PAK1: variants seen among roughly 807,000 people sequenced by gnomAD.
PAK1 encodes p21 (RAC1) activated kinase 1.
PAK1 carries 29 observed loss-of-function variants against 67.4 expected under a neutral mutation model. The ratio of observed to expected loss-of-function variants is 0.43; its 90% CI spans 0.32 to 0.59. The LOEUF (loss-of-function observed/expected upper bound fraction) is 0.59, where lower values mean the gene tolerates loss of function less well. Among genes scored for constraint, PAK1 ranks in the 20% least tolerant of loss-of-function variants. The pLI, the probability that PAK1 is intolerant of heterozygous loss-of-function variation, is 0.07. For synonymous variants in PAK1, 223 were observed against 237.4 expected, an observed-to-expected ratio of 0.94 and a Z score of 0.56; for missense variants, 337 against 670.7, an observed-to-expected ratio of 0.50 and a Z score of 5.50.
the PAK1 span, among the ~76,000 whole-genome samples, chr11:77,484,437 T>C: frequency 0.47 from 71,467 of 152,042 alleles, 18,561 homozygotes; most frequent in African/African-American, 0.71. Flanking sequence ...ACCTGTATTC[T>C]AAGCTCGTTT....
chr11:77,468,632 G>C (rs1290348600), intron 1 of PAK1, among the ~76,000 whole-genome samples: 2 of 152,142 alleles, frequency 1.3e-5, no homozygotes, highest in Non-Finnish European at 1.5e-5. Flanking sequence ...ATCTGACATA[G>C]AGTTTTATCA....
intron 10 of PAK1, among the ~76,000 whole-genome samples, chr11:77,343,611 C>T (rs546751408): frequency 1.6e-4 from 24 of 152,256 alleles, no homozygotes; most frequent in African/African-American, 4.3e-4. Context: ...AGAAGCTACA[C>T]GGTGGTAGAG....
intron 1 of PAK1, among the ~76,000 whole-genome samples, chr11:77,439,355 A>G (rs1431273835): frequency 6.6e-6 from 1 of 152,154 alleles, no homozygotes; most frequent in East Asian, 1.9e-4. Context: ...AGCCAAAATT[A>G]TATATATACA....
intron 5 of PAK1, among the ~76,000 whole-genome samples, chr11:77,368,988 A>T: frequency 6.6e-6 from 1 of 152,186 alleles, no homozygotes; most frequent in East Asian, 1.9e-4. Flanking sequence ...CACATGTCCA[A>T]ACATACCTTT....
chr11:77,518,836 G>A, the PAK1 span, among the ~76,000 whole-genome samples: 1 of 152,130 alleles, frequency 6.6e-6, no homozygotes, highest in Non-Finnish European at 1.5e-5. Flanking sequence ...TATTTTGCCT[G>A]TCTCCACACT....
chr11:77,415,409 C>T (rs2123632), intron 1 of PAK1, among the ~76,000 whole-genome samples: 6,292 of 152,144 alleles, frequency 0.041, 431 homozygotes, highest in African/African-American at 0.14. Flanking sequence ...CATTGTTATG[C>T]GAACATCACA....
intron 14 of PAK1, among the ~76,000 whole-genome samples, chr11:77,330,414 A>C (rs893746412): frequency 2.0e-5 from 3 of 152,246 alleles, no homozygotes; most frequent in Non-Finnish European, 2.9e-5. Context: ...CCAAAACAGC[A>C]TGGTACTGGT....
the PAK1 span, among the ~76,000 whole-genome samples, chr11:77,508,032 G>A: frequency 3.3e-5 from 5 of 151,924 alleles, no homozygotes; most frequent in Admixed American, 3.3e-4. Context: ...CATTCTTCTG[G>A]CTTCTATAAC....
chr11:77,387,432 T>C (rs898672808), intron 2 of PAK1, among the ~76,000 whole-genome samples: 18 of 152,166 alleles, frequency 1.2e-4, no homozygotes, highest in African/African-American at 4.3e-4. Flanking sequence ...TGAGAACAAC[T>C]AAGAGAGATA....
At chr11:77,512,353 C>T in the PAK1 span, among the ~76,000 whole-genome samples, 1 of 150,568 alleles carries the variant, frequency 6.6e-6, no homozygotes, top group African/African-American at 2.4e-5. Context: ...CTCCTTCTAC[C>T]CCAGTATGTG....
chr11:77,502,039 T>C, the PAK1 span, among the ~76,000 whole-genome samples: 8 of 111,620 alleles, frequency 7.2e-5, no homozygotes, highest in East Asian at 2.1e-3. Flanking sequence ...TTCACCAAGA[T>C]AGTTTTCTCC....
the PAK1 span, among the ~76,000 whole-genome samples, chr11:77,529,716 T>C: frequency 6.6e-6 from 1 of 152,162 alleles, no homozygotes; most frequent in African/African-American, 2.4e-5. Context: ...AGAAGATGTT[T>C]AGCAGAGTTT....
intron 8 of PAK1, among the ~76,000 whole-genome samples, chr11:77,352,283 G>C (rs1945358554): frequency 6.6e-6 from 1 of 152,054 alleles, no homozygotes. Context: ...GCCTGTTCTT[G>C]AATTTCATAT....
chr11:77,515,177 A>G, the PAK1 span, among the ~76,000 whole-genome samples: 3 of 152,176 alleles, frequency 2.0e-5, no homozygotes, highest in African/African-American at 7.2e-5. Flanking sequence ...TGTACATTTA[A>G]TTTAATTACA....
At chr11:77,432,142 CAA>C (rs149539964) in intron 1 of PAK1, among the ~76,000 whole-genome samples, 16,631 of 151,734 alleles carry the variant, frequency 0.11, 2,207 homozygotes, top group African/African-American at 0.31. Flanking sequence ...TTTTAATATC[CAA>C]AAAATCAATT....
At chr11:77,349,197 G>T in intron 9 of PAK1, 42 bp downstream of exon 9, 1 of 1,406,132 alleles carries the variant, frequency 7.1e-7, no homozygotes, top group Non-Finnish European at 9.9e-7. Flanking sequence ...CAAATAAAAA[G>T]AAACAGAACT....
chr11:77,426,739 G>A (rs1955566375), intron 1 of PAK1, among the ~76,000 whole-genome samples: 1 of 151,372 alleles, frequency 6.6e-6, no homozygotes, highest in Non-Finnish European at 1.5e-5. Context: ...CCCTGTGGAG[G>A]CAAAAATTGA....
intron 9 of PAK1, among the ~76,000 whole-genome samples, chr11:77,344,919 G>A (rs1187302382): frequency 6.6e-6 from 1 of 152,106 alleles, no homozygotes; most frequent in Non-Finnish European, 1.5e-5. Context: ...AGAGGAGAGT[G>A]TTCATGGAGA....
intron 5 of PAK1, among the ~76,000 whole-genome samples, chr11:77,365,251 C>CAAAAAAAAAAAAAA (rs1364090865): frequency 2.2e-5 from 1 of 45,528 alleles, no homozygotes; most frequent in Non-Finnish European, 3.6e-5. Context: ...GACTCTGTCT[C>CAAAAAAAAAAAAAA]AAAAAAAAAA....
Sources: gnomAD v4.1 joint callset for allele counts (sites outside exome capture counted in the v4.1 genomes callset) on GRCh38, gnomAD v4.1.1 for gene constraint, MANE v1.5 for transcripts, NCBI Gene and HGNC (gene_info 2026-07-23, HGNC 2026-07-21) for gene names.